ABLIM1: variants seen among roughly 807,000 people sequenced by gnomAD.
ABLIM1 encodes actin binding LIM protein 1.
ABLIM1 carries 40 observed loss-of-function variants against 107.0 expected under a neutral mutation model. The observed-to-expected ratio is 0.37, with a 90% CI of 0.29 to 0.49. ABLIM1 has a LOEUF of 0.49. Among genes scored for constraint, ABLIM1 ranks in the 20% least tolerant of loss-of-function variants. The pLI is 0.97. For missense variants in ABLIM1, 857 were observed against 1,008.5 expected (o/e 0.85, Z 2.04); for synonymous variants, 357 against 357.3 (o/e 1.00, Z 0.01).
Position 114,462,886 on chromosome 10 carries a change from G to A in ABLIM1, c.1441+2812C>T, listed in dbSNP as rs768400059. ...TCTCCCAATGAGAGATGCTATGCCCGTTCTAAGACAACTGTTGGGTATAGT... is the reference window on the plus strand; with the variant it reads ...TCTCCCAATGAGAGATGCTATGCCCATTCTAAGACAACTGTTGGGTATAGT... On this transcript the variant is annotated intron_variant, in intron 12 of 22. Transcript: ENST00000533213. Among the ~76,000 whole-genome samples, 17 of 152,134 alleles carry A rather than the reference G, an allele frequency of 1.1e-4. No individual in the cohort carries two copies. The East Asian group carries it at 1.9e-3, about 17-fold the overall frequency.
chr10:114,495,931 G>A (rs2059607970), intron 6 of ABLIM1, among the ~76,000 whole-genome samples: 1 of 152,182 alleles, frequency 6.6e-6, no homozygotes, highest in South Asian at 2.1e-4. Flanking sequence ...TGTCACTGCT[G>A]TAACTACCTC....
In ABLIM1 at chr10:114,518,802, C is replaced by T. The variant is rs370912100; in HGVS notation, c.894+26203G>A. ...ACTCAGTTATTCATTTATTTATTTACGATGAGCTCACACTACTTAAAAAAA... is the reference window on the plus strand; with the variant it reads ...ACTCAGTTATTCATTTATTTATTTATGATGAGCTCACACTACTTAAAAAAA... On this transcript the variant is annotated intron_variant, in intron 6 of 22. Coordinates refer to ENST00000533213, the MANE Select transcript of ABLIM1 (RefSeq NM_002313.7). Among the ~76,000 whole-genome samples, 183 of 146,230 alleles carry T rather than the reference C, an allele frequency of 1.3e-3. 1 individual carries two copies. The highest frequency in any genetic ancestry group is 4.4e-3 in the African/African-American group (174 of 39,952).
the ABLIM1 span, chr10:114,778,604 CACACACACAT>C: frequency 0.015 from 2,247 of 148,064 alleles, 47 homozygotes; most frequent in African/African-American, 0.053. Flanking sequence ...CACACACACA[CACACACACAT>C]ACATTTTAAC....
At chr10:114,587,833 G>A (rs1041590770) in intron 2 of ABLIM1, among the ~76,000 whole-genome samples, 1 of 152,102 alleles carries the variant, frequency 6.6e-6, no homozygotes, top group Non-Finnish European at 1.5e-5. Context: ...AGCTCTAAGT[G>A]GTCTCTGATT....
At chr10:114,440,663 G>A (rs2060053339) in intron 19 of ABLIM1, among the ~76,000 whole-genome samples, 1 of 151,962 alleles carries the variant, frequency 6.6e-6, no homozygotes, top group Non-Finnish European at 1.5e-5. Flanking sequence ...GGCCCACTTT[G>A]TTGCCCAACC....
intron 1 of ABLIM1, among the ~76,000 whole-genome samples, chr10:114,724,700 C>G (rs1026888271): frequency 6.6e-6 from 1 of 152,218 alleles, no homozygotes; most frequent in Admixed American, 6.5e-5. Context: ...GCCTTCCTCT[C>G]ACGAGAACAG....
intron 6 of ABLIM1, among the ~76,000 whole-genome samples, chr10:114,537,905 A>T (rs79090957): frequency 0.075 from 11,403 of 152,292 alleles, 713 homozygotes; most frequent in African/African-American, 0.17. Context: ...TGTATGATAT[A>T]CACAGAACAA....
chr10:114,535,594 G>C (rs1373900829), intron 6 of ABLIM1, among the ~76,000 whole-genome samples: 5 of 152,164 alleles, frequency 3.3e-5, no homozygotes, highest in Non-Finnish European at 7.4e-5. Context: ...ACAGGCATGA[G>C]CCACCGTGCC....
At chr10:114,605,358 T>G (rs917822109) in intron 1 of ABLIM1, among the ~76,000 whole-genome samples, 3 of 152,226 alleles carry the variant, frequency 2.0e-5, no homozygotes, top group Admixed American at 6.5e-5. Context: ...AGACATGACA[T>G]TGATTCTGCA....
At chr10:114,679,587 A>T (rs911900722) in intron 1 of ABLIM1, among the ~76,000 whole-genome samples, 10 of 148,280 alleles carry the variant, frequency 6.7e-5, no homozygotes, top group African/African-American at 2.5e-4. Flanking sequence ...GTGAGCCGAG[A>T]TCCTGCCATT....
intron 1 of ABLIM1, among the ~76,000 whole-genome samples, chr10:114,637,583 A>G (rs2078542943): frequency 6.6e-6 from 1 of 152,226 alleles, no homozygotes; most frequent in Non-Finnish European, 1.5e-5. Flanking sequence ...CTTTTTCAAA[A>G]GCCAGTTCTG....
chr10:114,717,047 T>TTCAG (rs1246390440), intron 1 of ABLIM1, among the ~76,000 whole-genome samples: 1 of 151,946 alleles, frequency 6.6e-6, no homozygotes, highest in Non-Finnish European at 1.5e-5. Flanking sequence ...ATCTCATTCA[T>TTCAG]TCATTCATTC....
At chr10:114,647,177 T>C (rs1331373181) in intron 1 of ABLIM1, among the ~76,000 whole-genome samples, 1 of 151,982 alleles carries the variant, frequency 6.6e-6, no homozygotes, top group Non-Finnish European at 1.5e-5. Context: ...TTTGTATTTT[T>C]AGCAGGGACA....
At position 114,447,870 on chromosome 10, in the gene ABLIM1, AGTTG is replaced by A; in HGVS notation, c.1735+6_1735+9del. 1 of 1,613,988 alleles carries A rather than the reference AGTTG, an allele frequency of 6.2e-7. No homozygotes were observed. The highest frequency in any genetic ancestry group is 8.5e-7 in the Non-Finnish European group (1 of 1,179,958). ...TTTGTCCCTTTGACTTAGCCGTGAC[AGTTG>A]CATACCTACGACAGCAAATGAGGGG... On this transcript the variant is annotated splice_donor_region_variant and intron_variant, in intron 15 of 22. Coordinates refer to ENST00000533213, the MANE Select transcript of ABLIM1 (RefSeq NM_002313.7).
At chr10:114,456,047 C>T (rs918963047) in intron 12 of ABLIM1, among the ~76,000 whole-genome samples, 51 of 152,036 alleles carry the variant, frequency 3.4e-4, no homozygotes, top group African/African-American at 1.2e-3. Flanking sequence ...ATCTCCTGAC[C>T]TCGTGATCCA....
chr10:114,664,377 G>A (rs185554861), intron 1 of ABLIM1, among the ~76,000 whole-genome samples: 6 of 152,308 alleles, frequency 3.9e-5, no homozygotes, highest in African/African-American at 1.2e-4. Flanking sequence ...GAAACCAGGC[G>A]TGGGTGTGCC....
intron 6 of ABLIM1, among the ~76,000 whole-genome samples, chr10:114,524,497 G>A (rs766111052): frequency 6.6e-6 from 1 of 151,762 alleles, no homozygotes; most frequent in Non-Finnish European, 1.5e-5. Context: ...AAAAAGAAAT[G>A]AAAGCATTCA....
chr10:114,513,639 G>A (rs919658129), intron 6 of ABLIM1, among the ~76,000 whole-genome samples: 1 of 152,138 alleles, frequency 6.6e-6, no homozygotes, highest in East Asian at 1.9e-4. Flanking sequence ...TCAGGGTCAA[G>A]GTGAATTCAC....
rs1369357833 is a variant in ABLIM1, at chr10:114,619,705, A to G, written c.245-17744T>C. Among the ~76,000 whole-genome samples, 1 of 152,182 alleles carries G rather than the reference A, an allele frequency of 6.6e-6. No homozygotes were observed. Among genetic ancestry groups the G allele is most frequent in the Non-Finnish European group, 1.5e-5 (1 of 68,042 alleles). ...TAAGCGTGGTGAACACAAAGAGGAG[A>G]GGCAGACTCATAGGGAAAAGTGATC... On this transcript the variant is annotated intron_variant, in intron 1 of 22. Transcript: ENST00000533213. The surrounding 1 kb of genome is among the most constrained non-coding windows in gnomAD (Gnocchi z 4.1).
Sources: gnomAD v4.1 joint callset for allele counts (sites outside exome capture counted in the v4.1 genomes callset) on GRCh38, gnomAD v4.1.1 for gene constraint, Gnocchi (gnomAD v3.1) non-coding constraint, MANE v1.5 for transcripts, NCBI Gene and HGNC (gene_info 2026-07-23, HGNC 2026-07-21) for gene names.